TTC1: variants seen among roughly 807,000 people sequenced by gnomAD.
TTC1 encodes tetratricopeptide repeat domain 1, also known as tetratricopeptide repeat protein 1.
Under a neutral mutation model 37.6 loss-of-function variants are expected in TTC1, and 31 were observed. The ratio of observed to expected loss-of-function variants is 0.82; its 90% confidence interval spans 0.62 to 1.11. TTC1 has a LOEUF of 1.11. TTC1 is among the 50% of genes most tolerant of loss of function. TTC1 has a pLI of 0.00. For synonymous variants in TTC1, 127 were observed against 122.4 expected (o/e 1.04, Z -0.25); for missense variants, 351 against 339.0 (o/e 1.04, Z -0.28).
intron 7 of TTC1, among the ~76,000 whole-genome samples, chr5:160,056,108 C>G (rs540383058): frequency 2.0e-5 from 3 of 152,248 alleles, no homozygotes; most frequent in African/African-American, 7.2e-5. Flanking sequence ...CTGCCAGGTG[C>G]CTATCCCTAC....
rs148555443 is a variant in TTC1 at position 160,009,491 on chromosome 5, A to G, written c.-30+298A>G. ...GACTAGAGCAATTTACGTTCTTGCA[A>G]ATCTGTCGCAAATTTTTGCAAATGT... is the stretch of plus-strand genomic sequence containing the variant. On this transcript the variant is annotated intron_variant, in intron 1 of 7. Transcript: ENST00000231238. 4.9e-4 allele frequency among the ~76,000 whole-genome samples: 74 copies of G among 152,280 alleles called. No homozygotes were observed. The East Asian group carries it at 0.011, about 22-fold the overall frequency.
chr5:160,026,073 A>G (rs773608992), intron 2 of TTC1, among the ~76,000 whole-genome samples: 3 of 152,270 alleles, frequency 2.0e-5, no homozygotes, highest in South Asian at 2.1e-4. Context: ...AATAGAACTT[A>G]GAAGAGCTCT....
At position 160,036,765 on chromosome 5, in the gene TTC1, A is replaced by G. The variant is rs1252550993; in HGVS notation, c.466A>G (p.Ile156Val). 5.0e-6 allele frequency: 8 copies of G among 1,613,990 alleles called. No individual in the cohort carries two copies. Among genetic ancestry groups the G allele is most frequent in the Non-Finnish European group, 6.8e-6 (8 of 1,179,954 alleles). ...ATCCTGCTTCCAAAAGGAGAGGTCG[A>G]TTCTATTTTCAAATAGAGCTGCAGC... The part of the protein sequence containing the change: ...CPSCFQKERS[I>V]LFSNRAAARM... The change falls in exon 4 of 8, where the codon ATT becomes GTT. Residue 156 changes from isoleucine (I) to valine (V), a missense_variant. Ile to Val is a conservative substitution (Grantham distance 29). Transcript: ENST00000231238.
intron 5 of TTC1, among the ~76,000 whole-genome samples, chr5:160,046,507 T>G (rs777362404): frequency 6.6e-6 from 1 of 152,182 alleles, no homozygotes; most frequent in Non-Finnish European, 1.5e-5. Context: ...CCCTCTGTAT[T>G]TTCTCCCTAA....
At chr5:160,038,393 G>C (rs749335498) in intron 4 of TTC1, among the ~76,000 whole-genome samples, 1 of 152,290 alleles carries the variant, frequency 6.6e-6, no homozygotes, top group Admixed American at 6.5e-5. Flanking sequence ...GATCAAGGAT[G>C]TGCCTTCAGT....
chr5:160,059,783 A>G (rs1046343813), intron 7 of TTC1, among the ~76,000 whole-genome samples: 2 of 152,204 alleles, frequency 1.3e-5, no homozygotes, highest in Non-Finnish European at 2.9e-5. Flanking sequence ...CAGATCATTG[A>G]TTACAGATCA....
intron 2 of TTC1, among the ~76,000 whole-genome samples, chr5:160,034,553 C>G (rs1756970712): frequency 6.6e-6 from 1 of 152,076 alleles, no homozygotes; most frequent in Non-Finnish European, 1.5e-5. Flanking sequence ...ATGAAGGGTT[C>G]TTATAAGGAT....
At position 160,065,018 on chromosome 5, in the gene TTC1, G is replaced by C. The variant is rs368082206; in HGVS notation, c.832G>C (p.Gly278Arg). The C allele has an allele frequency of 6.2e-7, 1 of 1,613,698 alleles. No homozygotes were observed. The highest frequency in any genetic ancestry group is 1.3e-5 in the African/African-American group (1 of 74,862). Residue 278 changes from glycine to arginine, a missense_variant, in exon 8 of 8, where the codon GGC becomes CGC. Transcript: ENST00000231238. Reference protein sequence around the residue: ...NFQIKQDSSTGSYSINFVQNP... With the variant: ...NFQIKQDSSTRSYSINFVQNP... Reference sequence around the variant, plus strand: ...CCAGATCAAACAGGATTCCTCTACCGGCTCGTACTCCATCAATTTCGTTCA... The same window carrying C: ...CCAGATCAAACAGGATTCCTCTACCCGCTCGTACTCCATCAATTTCGTTCA...
chr5:160,012,255 A>T (rs1756516452), intron 2 of TTC1, among the ~76,000 whole-genome samples: 1 of 152,122 alleles, frequency 6.6e-6, no homozygotes, highest in Non-Finnish European at 1.5e-5. Flanking sequence ...TGACAGTTGA[A>T]TGGTTTGGCT....
At chr5:160,035,022 C>G in intron 2 of TTC1, 118 bp from the exon 3 acceptor site, 1 of 740,326 alleles carries the variant, frequency 1.4e-6, no homozygotes, top group African/African-American at 1.8e-5. Flanking sequence ...GAAACTGATG[C>G]AGTTCTCAAA....
chr5:160,014,682 AAC>A (rs1416578915), intron 2 of TTC1, among the ~76,000 whole-genome samples: 3 of 152,178 alleles, frequency 2.0e-5, no homozygotes, highest in Non-Finnish European at 4.4e-5. Context: ...CAGCCTGTGC[AAC>A]AGAGTGAGAC....
chr5:160,012,109 C>G (rs1225711098), intron 2 of TTC1, among the ~76,000 whole-genome samples: 2 of 152,144 alleles, frequency 1.3e-5, no homozygotes. Context: ...AACTACTGTT[C>G]CATAACATTA....
At chr5:160,038,659 C>CTTTTTTT (rs541012506) in intron 4 of TTC1, among the ~76,000 whole-genome samples, 8 of 120,186 alleles carry the variant, frequency 6.7e-5, no homozygotes, top group South Asian at 2.7e-4. Context: ...AGTTGCGTTT[C>CTTTTTTT]TTTTTTTTTT....
intron 5 of TTC1, among the ~76,000 whole-genome samples, chr5:160,049,257 A>G (rs1262486078): frequency 6.6e-6 from 1 of 152,166 alleles, no homozygotes. Context: ...TTTTGTTTAC[A>G]TATTATCTGT....
At chr5:160,051,337 C>T (rs1757399584) in intron 7 of TTC1, among the ~76,000 whole-genome samples, 154 bp downstream of exon 7, 1 of 152,068 alleles carries the variant, frequency 6.6e-6, no homozygotes, top group Non-Finnish European at 1.5e-5. Context: ...GAAGGGGCAG[C>T]GTGGCTTAGA....
intron 2 of TTC1, chr5:160,023,976 C>T: frequency 6.4e-7 from 1 of 1,550,400 alleles, no homozygotes; most frequent in South Asian, 1.1e-5. Context: ...TATTTGGTCC[C>T]ACCTGGTTGC....
At chr5:160,060,420 C>T (rs922444856) in intron 7 of TTC1, among the ~76,000 whole-genome samples, 1 of 152,172 alleles carries the variant, frequency 6.6e-6, no homozygotes, top group Non-Finnish European at 1.5e-5. Flanking sequence ...GGTCTAAGCA[C>T]GAGTAGTTCT....
At chr5:160,019,028 C>G (rs184429791) in intron 2 of TTC1, among the ~76,000 whole-genome samples, 65 of 152,290 alleles carry the variant, frequency 4.3e-4, no homozygotes, top group African/African-American at 1.5e-3. Flanking sequence ...TTGAACTTAT[C>G]CAGGTTCTGG....
At chr5:160,064,704 A>G (rs796960720) in intron 7 of TTC1, among the ~76,000 whole-genome samples, 4 of 152,332 alleles carry the variant, frequency 2.6e-5, no homozygotes, top group African/African-American at 9.6e-5. Flanking sequence ...ACTCTCATCT[A>G]TGCAAGCACA....
Sources: gnomAD v4.1 joint callset for allele counts (sites outside exome capture counted in the v4.1 genomes callset) on GRCh38, gnomAD v4.1.1 for gene constraint, MANE v1.5 for transcripts, NCBI Gene and HGNC (gene_info 2026-07-23, HGNC 2026-07-21) for gene names.